USP47: variants seen among roughly 807,000 people sequenced by gnomAD.
The protein encoded by USP47 is ubiquitin carboxyl-terminal hydrolase 47.
USP47 carries 35 observed loss-of-function variants against 165.1 expected under a neutral mutation model. The ratio of observed to expected loss-of-function variants is 0.21; its 90% CI spans 0.16 to 0.28. The LOEUF (loss-of-function observed/expected upper bound fraction) is 0.28, where lower values mean the gene tolerates loss of function less well. USP47 is among the 10% of genes least tolerant of loss of function. The pLI, the probability that USP47 is intolerant of heterozygous loss-of-function variation, is 1.00. For missense variants in USP47, 1,277 were observed against 1,607.4 expected (o/e 0.79, Z 3.52); for synonymous variants, 531 against 544.5 (o/e 0.98, Z 0.35).
Position 11,948,748 on chromosome 11 carries a change from C to G in USP47, c.3348+190C>G, listed in dbSNP as rs1034748825. The stretch of plus-strand genomic sequence containing the variant: ...CTTCTGCTATTATAGCACAAGGAGC[C>G]ATAGACAATAATAAGCCAATGAGAT... On this transcript the variant is annotated intron_variant, in intron 22 of 27. Transcript: ENST00000527733. 128 of 511,088 alleles carry G rather than the reference C, an allele frequency of 2.5e-4. 1 individual carries two copies. Among genetic ancestry groups the G allele is most frequent in the Middle Eastern group, 1.1e-3 (2 of 1,902 alleles). 31.7% of individuals were successfully genotyped at this position (511,088 alleles called of 1,614,324 possible). A position where few individuals can be genotyped will look rare whatever the true frequency, so the allele number is the denominator to read the frequency against.
rs1853935661 is a variant in USP47 at position 11,922,863 on chromosome 11, A to C, written c.1358A>C (p.Glu453Ala). 1 of 1,609,972 alleles carries C rather than the reference A, an allele frequency of 6.2e-7. No individual in the cohort carries two copies. Among genetic ancestry groups the C allele is most frequent in the Non-Finnish European group, 8.5e-7 (1 of 1,177,602 alleles). The change falls in exon 11 of 28, where the codon GAA becomes GCA. Residue 453 changes from glutamate (E) to alanine (A), a missense_variant. Glu to Ala is a moderately radical substitution (Grantham distance 107). This residue lies in a region of USP47 where 909 missense variants were observed against 1,068.1 expected (regional missense o/e 0.85). Transcript: ENST00000527733. ...GICLETNSGT[E>A]KISKSGLEKN... The stretch of plus-strand genomic sequence containing the variant: ...TGTCTTGAAACCAATAGTGGAACTG[A>C]AAAGATCTCAAAATCTGGACTTGAA...
In USP47 at chr11:11,848,187, C is replaced by A. The variant is rs74776480; in HGVS notation, c.39+5963C>A. Among the ~76,000 whole-genome samples the A allele has an allele frequency of 3.3e-5, 5 of 152,304 alleles. No homozygotes were observed. The East Asian group carries it at 9.7e-4, about 29-fold the overall frequency. ...TTAAATAGCTCTGCAGAACTATAGT[C>A]ACTTGTCACTTAATGATGAGGACCT... On this transcript the variant is annotated intron_variant, in intron 1 of 27. Transcript: ENST00000527733.
chr11:11,842,285 C>T (rs990784307), intron 1 of USP47, 61 bp downstream of exon 1: 12 of 1,523,742 alleles, frequency 7.9e-6, no homozygotes, highest in Non-Finnish European at 9.7e-6. Flanking sequence ...AACACAGGCC[C>T]GGGCCGGGGT....
At chr11:11,915,020 A>C (rs1392359378) in intron 8 of USP47, among the ~76,000 whole-genome samples, 1 of 152,182 alleles carries the variant, frequency 6.6e-6, no homozygotes. Flanking sequence ...TTACATGAAA[A>C]CCTGTGCACA....
At chr11:11,873,065 G>T (rs1048938021) in intron 1 of USP47, among the ~76,000 whole-genome samples, 1 of 152,176 alleles carries the variant, frequency 6.6e-6, no homozygotes, top group Admixed American at 6.5e-5. Flanking sequence ...GACTGGAGAA[G>T]ATGAGATGAG....
In USP47 at chr11:11,950,492, A is replaced by G. The variant is rs762076344; in HGVS notation, c.3583+10A>G. The G allele has an allele frequency of 4.5e-6, 7 of 1,567,930 alleles. No homozygotes were observed. Among genetic ancestry groups the G allele is most frequent in the Admixed American group, 1.7e-5 (1 of 57,354 alleles). On this transcript the variant is annotated intron_variant, in intron 24 of 27. Coordinates refer to ENST00000527733, the MANE Select transcript of USP47 (RefSeq NM_001282659.2). ...CTTGAAGTTCTTGATGGTATTTTCA[A>G]TATTTTTGGGGGGAAGTATCAGTTA... is the stretch of plus-strand genomic sequence containing the variant.
At chr11:11,947,855 G>T in intron 20 of USP47, 90 bp from the exon 21 acceptor site, 3 of 1,363,034 alleles carry the variant, frequency 2.2e-6, no homozygotes, top group Non-Finnish European at 3.0e-6. Flanking sequence ...ACTGCATACA[G>T]TGTAATAAAA....
chr11:11,885,467 G>A (rs892649417), intron 3 of USP47, among the ~76,000 whole-genome samples: 2 of 152,120 alleles, frequency 1.3e-5, no homozygotes, highest in African/African-American at 2.4e-5. Context: ...GGGAAGCTGT[G>A]AATGATTGTA....
At chr11:11,925,112 GT>G (rs570498788) in intron 11 of USP47, among the ~76,000 whole-genome samples, 51 of 140,908 alleles carry the variant, frequency 3.6e-4, no homozygotes, top group South Asian at 4.6e-4. Flanking sequence ...TTAGTTTTTG[GT>G]TTTTTTTTTT....
chr11:11,901,747 TC>T (rs1256193164), intron 5 of USP47, among the ~76,000 whole-genome samples: 1 of 151,958 alleles, frequency 6.6e-6, no homozygotes, highest in Non-Finnish European at 1.5e-5. Flanking sequence ...TCACTTGAGG[TC>T]AGGAGTTTGA....
chr11:11,908,500 A>G (rs1852731992), intron 8 of USP47, among the ~76,000 whole-genome samples: 2 of 151,948 alleles, frequency 1.3e-5, no homozygotes, highest in Non-Finnish European at 2.9e-5. Context: ...TTTTATCTTT[A>G]TGGTCAAATA....
rs1853741578 is a variant in USP47 at position 11,920,344 on chromosome 11, C to A, written c.1068C>A (p.Gly356=). 6 of 1,604,462 alleles carry A rather than the reference C, an allele frequency of 3.7e-6. No homozygotes were observed. The highest frequency in any genetic ancestry group is 1.7e-4 in the Middle Eastern group (1 of 6,000). ...RCKKKCDARK[G]LRFLHFPYLL... The stretch of plus-strand genomic sequence containing the variant: ...CCTTTTTGTTGTTTGTTTTTTAGGG[C>A]CTTCGGTTTTTGCATTTTCCTTATC... The change falls in exon 10 of 28, where the codon GGC becomes GGA. Residue 356 remains glycine, a splice_region_variant and synonymous_variant. Coordinates refer to ENST00000527733, the MANE Select transcript of USP47 (RefSeq NM_001282659.2).
chr11:11,909,673 T>A (rs534468482), intron 8 of USP47, among the ~76,000 whole-genome samples: 1 of 152,306 alleles, frequency 6.6e-6, no homozygotes, highest in African/African-American at 2.4e-5. Context: ...TATTGTTCAT[T>A]ACGTACATTT....
intron 16 of USP47, among the ~76,000 whole-genome samples, chr11:11,934,364 A>G (rs1246524226): frequency 6.6e-6 from 1 of 152,180 alleles, no homozygotes; most frequent in East Asian, 1.9e-4. Flanking sequence ...GTACTTAAAC[A>G]TCACAGTTTG....
In USP47 at chr11:11,874,713, C is replaced by T. The variant is rs190859437; in HGVS notation, c.40-5464C>T. ...TAGCTGGGATTACAGGCATGCACCA[C>T]CATGCTGGCTAATTTTTTTATTTTT... On this transcript the variant is annotated intron_variant, in intron 1 of 27. Transcript: ENST00000527733. Among the ~76,000 whole-genome samples the T allele has an allele frequency of 1.6e-3, 239 of 152,166 alleles. 2 individuals are homozygous for T. Among genetic ancestry groups the T allele is most frequent in the African/African-American group, 5.2e-3 (214 of 41,508 alleles).
chr11:11,929,447 A>T lies in USP47; in HGVS notation c.1400A>T (p.Tyr467Phe). The change falls in exon 12 of 28, where the codon TAT becomes TTT. Residue 467 changes from tyrosine (Y) to phenylalanine (F), a missense_variant. Around this residue, in one of 4 missense-constraint regions of USP47, gnomAD observed 909 missense variants for 1,068.1 expected, o/e 0.85. Coordinates refer to ENST00000527733, the MANE Select transcript of USP47 (RefSeq NM_001282659.2). ...KSGLEKNSLI[Y>F]ELFSVMVHSG... The stretch of plus-strand genomic sequence containing the variant: ...TTTTCCCCTTAGAATTCCTTGATCT[A>T]TGAACTTTTCTCTGTTATGGTTCAT... 6.2e-7 allele frequency: 1 copy of T among 1,612,688 alleles called. No individual in the cohort carries two copies. Among genetic ancestry groups the T allele is most frequent in the Non-Finnish European group, 8.5e-7 (1 of 1,179,136 alleles).
At position 11,942,949 on chromosome 11, in the gene USP47, G is replaced by A. The variant is rs764193248; in HGVS notation, c.2928G>A (p.Thr976=). 6.2e-6 allele frequency: 10 copies of A among 1,613,500 alleles called. No homozygotes were observed. The highest frequency in any genetic ancestry group is 1.1e-5 in the South Asian group (1 of 91,054). ...DSHSITSSRR[T]KANEGKKETW... Reference sequence around the variant, plus strand: ...ACAGTATCACAAGTAGTAGAAGAACGAAAGCAAATGAAGGGAAAAAAGAAA... The same window carrying A: ...ACAGTATCACAAGTAGTAGAAGAACAAAAGCAAATGAAGGGAAAAAAGAAA... Residue 976 remains threonine (T), a synonymous_variant, in exon 20 of 28, where the codon ACG becomes ACA. Transcript: ENST00000527733.
intron 4 of USP47, among the ~76,000 whole-genome samples, chr11:11,894,839 TAAA>T (rs1443789761): frequency 1.3e-5 from 2 of 152,146 alleles, no homozygotes; most frequent in Admixed American, 1.3e-4. Flanking sequence ...TACTATAAAA[TAAA>T]AAAGTGAAAA....
intron 25 of USP47, 37 bp downstream of exon 25, chr11:11,952,908 G>C (rs760659017): frequency 7.1e-7 from 1 of 1,409,822 alleles, no homozygotes; most frequent in South Asian, 1.7e-5. Context: ...ATCTTATGTT[G>C]TATATGTATA....
Sources: gnomAD v4.1 joint callset for allele counts (sites outside exome capture counted in the v4.1 genomes callset) on GRCh38, gnomAD v4.1.1 for gene constraint, gnomAD v4.1.1 regional missense constraint, MANE v1.5 for transcripts, NCBI Gene and HGNC (gene_info 2026-07-23, HGNC 2026-07-21) for gene names.